PAX9: variants seen among roughly 807,000 people sequenced by gnomAD.
The protein encoded by PAX9 is paired box protein Pax-9.
In PAX9, 6 loss-of-function variants were observed where a neutral mutation model predicts 29.1. The ratio of observed to expected loss-of-function variants is 0.21; its 90% CI spans 0.11 to 0.41. The LOEUF is 0.41. PAX9 is among the 10% of genes least tolerant of loss of function. PAX9 has a pLI of 1.00. For missense variants in PAX9, 443 were observed against 479.1 expected, an observed-to-expected ratio of 0.92 and a Z score of 0.70; for synonymous variants, 217 against 211.7, an observed-to-expected ratio of 1.03 and a Z score of -0.22.
chr14:36,667,962 T>C (rs1359592812), intron 3 of PAX9, among the ~76,000 whole-genome samples: 1 of 152,266 alleles, frequency 6.6e-6, no homozygotes, highest in Non-Finnish European at 1.5e-5. Flanking sequence ...ATTTTTAGTC[T>C]CTATTTCTTC....
intron 3 of PAX9, among the ~76,000 whole-genome samples, chr14:36,672,932 C>T (rs1245184016): frequency 8.3e-6 from 1 of 119,972 alleles, no homozygotes; most frequent in Non-Finnish European, 1.6e-5. Context: ...ATGATGCGAT[C>T]TCGGCTCACT....
At position 36,661,981 on chromosome 14, in the gene PAX9, G is replaced by A. The variant is rs1436514344; in HGVS notation, c.-109G>A. On this transcript the variant is annotated 5_prime_UTR_variant, in exon 1 of 4. Transcript: ENST00000361487. ...CCTCCTCCTCCTGGGAAGAAGCGGA[G>A]GCGCCGGCGGTCGGCCGGGATAGCA... 2 of 1,402,972 alleles carry A rather than the reference G, an allele frequency of 1.4e-6. No homozygotes were observed. Among genetic ancestry groups the A allele is most frequent in the East Asian group, 2.5e-5 (1 of 40,208 alleles). 86.9% of individuals were successfully genotyped at this position (1,402,972 alleles called of 1,614,324 possible).
intron 2 of PAX9, among the ~76,000 whole-genome samples, chr14:36,664,382 G>T (rs1881409983): frequency 6.6e-6 from 1 of 152,042 alleles, no homozygotes; most frequent in Non-Finnish European, 1.5e-5. Context: ...GGGTCCCCGA[G>T]AATGCAAGTG....
At chr14:36,661,233 TG>T (rs1405828323), upstream of PAX9, among the ~76,000 whole-genome samples, 2 of 152,220 alleles carry the variant, frequency 1.3e-5, no homozygotes, top group Non-Finnish European at 2.9e-5. Flanking sequence ...CCACCTGGAC[TG>T]GGGGGTCGCC....
At position 36,662,168 on chromosome 14, in the gene PAX9, G is replaced by C. The variant is rs796288652; in HGVS notation, c.4+75G>C. ...CGAGCGGGCAAGGGAGGGAGGGAGG[G>C]AGGGAGCGCGAGGGCGCGCGCCACT... On this transcript the variant is annotated intron_variant, in intron 1 of 3. Coordinates refer to ENST00000361487, the MANE Select transcript of PAX9 (RefSeq NM_001372076.1). 12 of 367,258 alleles carry C rather than the reference G, an allele frequency of 3.3e-5. 5 individuals are homozygous for C. Among genetic ancestry groups the C allele is most frequent in the Non-Finnish European group, 6.4e-5 (12 of 186,088 alleles). The allele number at this position is 367,258 out of a possible 1,614,324, so 22.7% of individuals were successfully genotyped here.
chr14:36,662,106 G>A lies in PAX9; in HGVS notation c.4+13G>A. The A allele has an allele frequency of 2.6e-6, 4 of 1,536,974 alleles. No individual in the cohort carries two copies. The highest frequency in any genetic ancestry group is 2.6e-5 in the East Asian group (1 of 39,208). On this transcript the variant is annotated intron_variant, in intron 1 of 3. Coordinates refer to ENST00000361487, the MANE Select transcript of PAX9 (RefSeq NM_001372076.1). The stretch of plus-strand genomic sequence containing the variant: ...CTCGGAGCAATGGGTGAGTGGCGGC[G>A]GGGGACTCTGTCAGAGCCGGGAAGG...
chr14:36,664,751 C>T (rs1881425613), intron 2 of PAX9, among the ~76,000 whole-genome samples: 1 of 152,150 alleles, frequency 6.6e-6, no homozygotes, highest in African/African-American at 2.4e-5. Context: ...TCTTTAATTA[C>T]TTCCTGCCTT....
intron 3 of PAX9, chr14:36,671,067 C>G (rs914083660): frequency 6.9e-6 from 3 of 435,990 alleles, no homozygotes; most frequent in Non-Finnish European, 1.4e-5. Context: ...CTTTTTCTTG[C>G]TTATGATATC....
chr14:36,676,524 C>T lies in PAX9; in HGVS notation c.*72C>T. On this transcript the variant is annotated 3_prime_UTR_variant, in exon 4 of 4. Coordinates refer to ENST00000361487, the MANE Select transcript of PAX9 (RefSeq NM_001372076.1). Reference sequence around the variant, plus strand: ...GCACCTCCTCCCCCAATTCCCAGGTCTCACATCCCACCCCTCCTGCCCTCC... The same window carrying T: ...GCACCTCCTCCCCCAATTCCCAGGTTTCACATCCCACCCCTCCTGCCCTCC... 6.4e-7 allele frequency: 1 copy of T among 1,559,094 alleles called. No individual in the cohort carries two copies. The highest frequency in any genetic ancestry group is 8.7e-7 in the Non-Finnish European group (1 of 1,146,590).
At position 36,676,500 on chromosome 14, in the gene PAX9, C is replaced by G; in HGVS notation, c.*48C>G. ...CTTCACCCGGGTCTCCCTGTCTCAG[C>G]ACCTCCTCCCCCAATTCCCAGGTCT... On this transcript the variant is annotated 3_prime_UTR_variant, in exon 4 of 4. Coordinates refer to ENST00000361487, the MANE Select transcript of PAX9 (RefSeq NM_001372076.1). 1 of 1,601,438 alleles carries G rather than the reference C, an allele frequency of 6.2e-7. No homozygotes were observed. The highest frequency in any genetic ancestry group is 8.5e-7 in the Non-Finnish European group (1 of 1,178,064).
upstream of PAX9, among the ~76,000 whole-genome samples, chr14:36,659,412 G>T (rs576831895): frequency 6.6e-6 from 1 of 152,298 alleles, no homozygotes; most frequent in South Asian, 2.1e-4. Flanking sequence ...CCCCGGGAAG[G>T]CTTCAGCATC....
At chr14:36,664,568 G>GGTTTT (rs1161471989) in intron 2 of PAX9, among the ~76,000 whole-genome samples, 1 of 141,990 alleles carries the variant, frequency 7.0e-6, no homozygotes, top group African/African-American at 2.6e-5. Flanking sequence ...CTTTTACTGA[G>GGTTTT]TTTTTTTTTT....
intron 3 of PAX9, among the ~76,000 whole-genome samples, chr14:36,669,796 A>G (rs1033105683): frequency 1.3e-5 from 2 of 152,138 alleles, no homozygotes; most frequent in African/African-American, 2.4e-5. Context: ...CTTGTCTTAC[A>G]TATTAATATT....
chr14:36,664,126 G>T (rs1386293197), intron 2 of PAX9, among the ~76,000 whole-genome samples: 3 of 152,214 alleles, frequency 2.0e-5, no homozygotes, highest in African/African-American at 4.8e-5. Context: ...AGGTCCCGAA[G>T]TTACTACTAG....
intron 3 of PAX9, among the ~76,000 whole-genome samples, chr14:36,670,170 C>T (rs1394953215): frequency 6.6e-6 from 1 of 152,016 alleles, no homozygotes; most frequent in Non-Finnish European, 1.5e-5. Flanking sequence ...CATACTGTCT[C>T]AAGAAAGATA....
chr14:36,673,748 G>T (rs1752622583), intron 3 of PAX9, among the ~76,000 whole-genome samples: 1 of 152,174 alleles, frequency 6.6e-6, no homozygotes, highest in African/African-American at 2.4e-5. Flanking sequence ...ATGAAAAATA[G>T]AACTCGCCAA....
chr14:36,678,574 ACT>A lies in PAX9; in HGVS notation c.*2126_*2127del. The A allele has an allele frequency of 6.5e-7, 1 of 1,529,094 alleles. No individual in the cohort carries two copies. Among genetic ancestry groups the A allele is most frequent in the African/African-American group, 1.4e-5 (1 of 72,742 alleles). The allele number at this position is 1,529,094 out of a possible 1,614,324, so 94.7% of individuals were successfully genotyped here. A position where few individuals can be genotyped will look rare whatever the true frequency, so the allele number is the denominator to read the frequency against. ...TTCTTTAAAACCATACCATACAGGGACTCTCCTGTCATCTGAAAAACTGATGT... is the reference window on the plus strand; with the variant it reads ...TTCTTTAAAACCATACCATACAGGGACTCCTGTCATCTGAAAAACTGATGT... On this transcript the variant is annotated 3_prime_UTR_variant, in exon 4 of 4. Coordinates refer to ENST00000361487, the MANE Select transcript of PAX9 (RefSeq NM_001372076.1).
intron 3 of PAX9, chr14:36,671,257 T>C (rs910013473): frequency 4.7e-6 from 1 of 210,932 alleles, no homozygotes; most frequent in African/African-American, 2.4e-5. Context: ...TAATGTTGAG[T>C]AGACAATTCC....
chr14:36,678,753 T>C lies in PAX9; in HGVS notation c.*2301T>C, dbSNP rs1882033940. 8.9e-7 allele frequency: 1 copy of C among 1,129,488 alleles called. No homozygotes were observed. The highest frequency in any genetic ancestry group is 1.6e-5 in the African/African-American group (1 of 62,266). The allele number at this position is 1,129,488 out of a possible 1,614,324, so 70.0% of individuals were successfully genotyped here. A position where few individuals can be genotyped will look rare whatever the true frequency, so the allele number is the denominator to read the frequency against. ...TATTGTGCTATTTATAATTTTTTTC[T>C]GGTTCTTGTATTTTAAAAAATCTAA... On this transcript the variant is annotated 3_prime_UTR_variant, in exon 4 of 4. Coordinates refer to ENST00000361487, the MANE Select transcript of PAX9 (RefSeq NM_001372076.1).
Sources: allele counts gnomAD v4.1 joint callset (sites outside exome capture counted in the v4.1 genomes callset), GRCh38; gene constraint gnomAD v4.1.1; transcripts MANE v1.5; gene names NCBI Gene and HGNC (gene_info 2026-07-23, HGNC 2026-07-21).